The following PTPRD variants were observed in gnomAD, a reference collection of about 807,000 sequenced individuals.
PTPRD encodes protein tyrosine phosphatase receptor type D.
A neutral mutation model predicts 214.5 loss-of-function variants in PTPRD; 34 were observed. That is an observed-to-expected ratio of 0.16 (90% confidence interval 0.12 to 0.21). The LOEUF is 0.21. Ranked by LOEUF, PTPRD falls within the 10% of genes least tolerant of loss-of-function variation. The probability of loss-of-function intolerance (pLI) is 1.00; values close to 1 mark genes in which losing one functional copy is unlikely to be tolerated. For missense variants in PTPRD, 2,545 were observed against 2,398.7 expected (o/e 1.06, Z -1.27); for synonymous variants, 1,128 against 845.7 (o/e 1.33, Z -5.79).
intron 2 of PTPRD, among the ~76,000 whole-genome samples, chr9:10,479,515 C>T (rs988236351): frequency 1.3e-5 from 2 of 151,992 alleles, no homozygotes; most frequent in African/African-American, 4.8e-5. Flanking sequence ...AACATGCAGA[C>T]AGAATATACT....
intron 2 of PTPRD, among the ~76,000 whole-genome samples, chr9:10,518,396 A>C (rs1347217070): frequency 6.6e-6 from 1 of 152,144 alleles, no homozygotes; most frequent in Non-Finnish European, 1.5e-5. Context: ...AGTAGAAAAA[A>C]ATTAAGCACC....
chr9:10,490,501 C>T (rs2039850236), intron 2 of PTPRD, among the ~76,000 whole-genome samples: 1 of 152,142 alleles, frequency 6.6e-6, no homozygotes. Context: ...TCTCTTCTTT[C>T]CTTCTCAAAT....
intron 2 of PTPRD, among the ~76,000 whole-genome samples, chr9:10,469,987 T>A (rs560518579): frequency 6.6e-6 from 1 of 151,688 alleles, no homozygotes; most frequent in East Asian, 1.9e-4. Flanking sequence ...TAGACTGGTG[T>A]TACCAGAGGC....
At chr9:9,793,943 T>A (rs2098984438) in intron 5 of PTPRD, among the ~76,000 whole-genome samples, 1 of 151,904 alleles carries the variant, frequency 6.6e-6, no homozygotes, top group African/African-American at 2.4e-5. Context: ...TATAAGAGTA[T>A]CAAAGAGCTG....
chr9:8,537,441 T>G (rs2077228710), intron 14 of PTPRD, among the ~76,000 whole-genome samples: 1 of 151,950 alleles, frequency 6.6e-6, no homozygotes, highest in East Asian at 1.9e-4. Context: ...ATACAAAAAT[T>G]TTTTTCCCAA....
At chr9:9,027,223 G>T (rs1278429856) in intron 10 of PTPRD, among the ~76,000 whole-genome samples, 4 of 151,678 alleles carry the variant, frequency 2.6e-5, no homozygotes, top group Non-Finnish European at 5.9e-5. Flanking sequence ...AACCAAGAAA[G>T]AATTTGTTCC....
At chr9:10,599,275 A>G (rs2077397596) in intron 2 of PTPRD, among the ~76,000 whole-genome samples, 1 of 151,754 alleles carries the variant, frequency 6.6e-6, no homozygotes, top group African/African-American at 2.4e-5. Context: ...ACGACTGTTA[A>G]ATGATTATAA....
intron 2 of PTPRD, among the ~76,000 whole-genome samples, chr9:10,459,251 A>G (rs1011333150): frequency 2.0e-5 from 3 of 152,028 alleles, no homozygotes; most frequent in African/African-American, 7.3e-5. Context: ...TGGCTGCATA[A>G]TATTCCATGG....
chr9:8,649,074 G>A (rs563481623), intron 12 of PTPRD, among the ~76,000 whole-genome samples: 2 of 152,276 alleles, frequency 1.3e-5, no homozygotes, highest in African/African-American at 4.8e-5. Flanking sequence ...GGGAAAGAAA[G>A]AGAAAAATAA....
At chr9:9,112,378 A>T (rs1286185569) in intron 10 of PTPRD, among the ~76,000 whole-genome samples, 8 of 152,090 alleles carry the variant, frequency 5.3e-5, no homozygotes, top group Non-Finnish European at 1.2e-4. Flanking sequence ...CCAGCCTCTA[A>T]CATTCCTCAT....
At chr9:10,291,705 C>T (rs1269945308) in intron 3 of PTPRD, among the ~76,000 whole-genome samples, 1 of 152,062 alleles carries the variant, frequency 6.6e-6, no homozygotes. Context: ...AAGATACCTT[C>T]ACTTCACACA....
chr9:8,936,735 C>T (rs141166492), intron 11 of PTPRD, among the ~76,000 whole-genome samples: 8 of 152,248 alleles, frequency 5.3e-5, no homozygotes, highest in Non-Finnish European at 1.0e-4. Flanking sequence ...TGTTCTACCA[C>T]TGAGTGATTC....
chr9:9,243,806 A>C (rs139929579), intron 9 of PTPRD, among the ~76,000 whole-genome samples: 8 of 152,280 alleles, frequency 5.3e-5, no homozygotes, highest in Admixed American at 5.2e-4. Context: ...CAGGCAGGAG[A>C]ATGAAGTAAA....
chr9:8,618,866 T>G (rs1422972749), intron 14 of PTPRD, among the ~76,000 whole-genome samples: 5 of 130,968 alleles, frequency 3.8e-5, no homozygotes, highest in Admixed American at 2.4e-4. Context: ...CCAGCTAATT[T>G]TGTGTGTGTG....
chr9:8,799,783 A>G (rs1415421314), intron 11 of PTPRD, among the ~76,000 whole-genome samples: 2 of 151,986 alleles, frequency 1.3e-5, no homozygotes, highest in Non-Finnish European at 2.9e-5. Flanking sequence ...TACTCTACCA[A>G]TGCTCCAGAG....
chr9:9,223,691 A>G (rs1698883426), intron 9 of PTPRD, among the ~76,000 whole-genome samples: 1 of 151,978 alleles, frequency 6.6e-6, no homozygotes, highest in Non-Finnish European at 1.5e-5. Flanking sequence ...GGTACTTGAG[A>G]AAAACAGGAT....
intron 9 of PTPRD, among the ~76,000 whole-genome samples, chr9:9,336,113 T>C (rs867527298): frequency 2.0e-5 from 3 of 152,112 alleles, no homozygotes; most frequent in Non-Finnish European, 4.4e-5. Flanking sequence ...ATTTTCATTA[T>C]TACGGAGAAA....
chr9:9,858,721 G>C (rs1328629081), intron 5 of PTPRD, among the ~76,000 whole-genome samples: 2 of 152,094 alleles, frequency 1.3e-5, no homozygotes, highest in African/African-American at 4.8e-5. Context: ...TAAAAATCTA[G>C]TTAGTATAAT....
chr9:9,760,160 T>C (rs956032955), intron 6 of PTPRD, among the ~76,000 whole-genome samples: 2 of 152,136 alleles, frequency 1.3e-5, no homozygotes, highest in East Asian at 1.9e-4. Context: ...GAGTTCTAGA[T>C]TGTAGCCTCA....
Sources: allele counts gnomAD v4.1 joint callset (sites outside exome capture counted in the v4.1 genomes callset), GRCh38; gene constraint gnomAD v4.1.1; transcripts MANE v1.5; gene names NCBI Gene and HGNC (gene_info 2026-07-23, HGNC 2026-07-21).